The following PRKN variants were observed in gnomAD, a reference collection of about 807,000 sequenced individuals.
PRKN encodes parkin RBR E3 ubiquitin protein ligase, also known as E3 ubiquitin-protein ligase parkin.
PRKN carries 56 observed loss-of-function variants against 59.5 expected under a neutral mutation model. The ratio of observed to expected loss-of-function variants is 0.94; its 90% confidence interval spans 0.76 to 1.18. The LOEUF (loss-of-function observed/expected upper bound fraction) is 1.18, where lower values mean the gene tolerates loss of function less well. PRKN is among the 50% of genes most tolerant of loss of function. The pLI, the probability that PRKN is intolerant of heterozygous loss-of-function variation, is 0.00. For synonymous variants in PRKN, 250 were observed against 222.1 expected (o/e 1.13, Z -1.12); for missense variants, 657 against 596.4 (o/e 1.10, Z -1.06).
chr6:162,561,710 C>A (rs191411690), intron 1 of PRKN, among the ~76,000 whole-genome samples: 49 of 152,296 alleles, frequency 3.2e-4, no homozygotes, highest in African/African-American at 1.0e-3. Flanking sequence ...CCTGTTACAG[C>A]AGAAAGGAAA....
intron 10 of PRKN, among the ~76,000 whole-genome samples, chr6:161,374,339 A>G (rs1785564800): frequency 6.6e-6 from 1 of 150,512 alleles, no homozygotes; most frequent in Non-Finnish European, 1.5e-5. Flanking sequence ...CATGGTGTGC[A>G]TGTTATGTAT....
chr6:162,653,564 T>G (rs1778528551), intron 1 of PRKN, among the ~76,000 whole-genome samples: 1 of 152,186 alleles, frequency 6.6e-6, no homozygotes, highest in African/African-American at 2.4e-5. Context: ...TTTGGAATCT[T>G]AGGTGATAGA....
At position 161,549,148 on chromosome 6, in the gene PRKN, A is replaced by G; in HGVS notation, c.934-145T>C. ...TGTGTGTGTGTGTGTGTGTAGGGGG[A>G]GGGAGAGGGCCACGGGGTTGATAGG... On this transcript the variant is annotated intron_variant, in intron 8 of 11. Transcript: ENST00000366898. This position sits in a 1 kb window ranked among gnomAD's most constrained non-coding sequence, Gnocchi z 6.0. 3.6e-6 allele frequency: 3 copies of G among 837,582 alleles called. No homozygotes were observed. The highest frequency in any genetic ancestry group is 1.6e-5 in the South Asian group (1 of 64,428). 51.9% of individuals were successfully genotyped at this position (837,582 alleles called of 1,614,324 possible). A position where few individuals can be genotyped will look rare whatever the true frequency, so the allele number is the denominator to read the frequency against.
intron 3 of PRKN, among the ~76,000 whole-genome samples, chr6:162,233,365 C>T (rs995192567): frequency 2.0e-5 from 3 of 152,022 alleles, no homozygotes; most frequent in South Asian, 2.1e-4. Context: ...ATGCATATCT[C>T]GTAATTCAGA....
At position 162,094,213 on chromosome 6, in the gene PRKN, G is replaced by A. The variant is rs555681974; in HGVS notation, c.535-40039C>T. On this transcript the variant is annotated intron_variant, in intron 4 of 11. Transcript: ENST00000366898. ...GGAAGAAAAGTTGGAAAGGTGGCTGGGTGTGGTGGTTCATGCCTATAAGTC... is the reference window on the plus strand; with the variant it reads ...GGAAGAAAAGTTGGAAAGGTGGCTGAGTGTGGTGGTTCATGCCTATAAGTC... Among the ~76,000 whole-genome samples, 7 of 152,232 alleles carry A rather than the reference G, an allele frequency of 4.6e-5. No homozygotes were observed. The East Asian group carries it at 1.4e-3, about 29-fold the overall frequency.
intron 7 of PRKN, among the ~76,000 whole-genome samples, chr6:161,757,920 CAT>C (rs1234596236): frequency 2.0e-4 from 24 of 120,656 alleles, no homozygotes; most frequent in Admixed American, 1.3e-3. Flanking sequence ...CACACACACA[CAT>C]CTCTCTCTCT....
intron 6 of PRKN, among the ~76,000 whole-genome samples, chr6:161,911,120 G>A (rs1778345382): frequency 6.6e-6 from 1 of 152,096 alleles, no homozygotes; most frequent in South Asian, 2.1e-4. Context: ...CTTTTACTAA[G>A]GAGAATGGTA....
intron 1 of PRKN, among the ~76,000 whole-genome samples, chr6:162,696,627 C>A (rs1047492906): frequency 7.4e-6 from 1 of 135,722 alleles, no homozygotes; most frequent in African/African-American, 2.8e-5. Flanking sequence ...TGCAGTGGTG[C>A]AATCTTGGCT....
chr6:161,962,514 T>G (rs972849817), intron 6 of PRKN, among the ~76,000 whole-genome samples: 5 of 151,782 alleles, frequency 3.3e-5, no homozygotes, highest in African/African-American at 1.2e-4. Flanking sequence ...AGCAAGGGTC[T>G]CTTAGATGCT....
chr6:161,732,866 T>A (rs1023724177), intron 7 of PRKN, among the ~76,000 whole-genome samples: 9 of 152,186 alleles, frequency 5.9e-5, no homozygotes, highest in Admixed American at 1.3e-4. Context: ...CCCTCACTTG[T>A]TAGCAGTGAG....
chr6:162,706,957 A>G (rs1778359606), intron 1 of PRKN, among the ~76,000 whole-genome samples: 1 of 152,240 alleles, frequency 6.6e-6, no homozygotes, highest in Non-Finnish European at 1.5e-5. Flanking sequence ...AAAAAGTAAA[A>G]TAATCCAGAT....
At chr6:161,644,783 C>T (rs13202402) in intron 7 of PRKN, among the ~76,000 whole-genome samples, 34,238 of 152,212 alleles carry the variant, frequency 0.22, 4,261 homozygotes, top group Middle Eastern at 0.35. Context: ...CAGACAGCTT[C>T]GAGACGTCAT....
intron 1 of PRKN, among the ~76,000 whole-genome samples, chr6:162,653,869 GC>G (rs1209669030): frequency 2.0e-5 from 3 of 152,060 alleles, no homozygotes; most frequent in Non-Finnish European, 4.4e-5. Flanking sequence ...GTTGAGCATG[GC>G]CCCTTTTTTA....
chr6:161,814,073 T>A (rs1791667464), intron 6 of PRKN, among the ~76,000 whole-genome samples: 1 of 152,142 alleles, frequency 6.6e-6, no homozygotes, highest in African/African-American at 2.4e-5. Context: ...GAAGGTAGCA[T>A]CTTTGGTGAT....
chr6:161,867,260 A>G (rs556534287), intron 6 of PRKN, among the ~76,000 whole-genome samples: 1 of 152,336 alleles, frequency 6.6e-6, no homozygotes, highest in African/African-American at 2.4e-5. Context: ...GATAGTAAAT[A>G]ATTTAGCATG....
At chr6:162,060,317 G>A (rs1778047424) in intron 4 of PRKN, among the ~76,000 whole-genome samples, 1 of 152,166 alleles carries the variant, frequency 6.6e-6, no homozygotes, top group Admixed American at 6.5e-5. Context: ...TGAATCCTGG[G>A]ATTCATCAAA....
intron 1 of PRKN, among the ~76,000 whole-genome samples, chr6:162,485,744 C>T (rs974156559): frequency 1.3e-5 from 2 of 152,122 alleles, no homozygotes; most frequent in African/African-American, 4.8e-5. Flanking sequence ...TTGGAGCAAC[C>T]TGTTCAATCT....
intron 9 of PRKN, among the ~76,000 whole-genome samples, chr6:161,453,611 C>A (rs1429021288): frequency 6.6e-6 from 1 of 152,150 alleles, no homozygotes; most frequent in Non-Finnish European, 1.5e-5. Flanking sequence ...CCGTTCCCAA[C>A]CTTCTGGCCC....
At chr6:161,820,550 T>C (rs1428800048) in intron 6 of PRKN, among the ~76,000 whole-genome samples, 1 of 147,632 alleles carries the variant, frequency 6.8e-6, no homozygotes, top group Non-Finnish European at 1.5e-5. Context: ...TCATTTACTT[T>C]ATAAAAAATT....
Sources: gnomAD v4.1 joint callset for allele counts (sites outside exome capture counted in the v4.1 genomes callset) on GRCh38, gnomAD v4.1.1 for gene constraint, Gnocchi (gnomAD v3.1) non-coding constraint, MANE v1.5 for transcripts, NCBI Gene and HGNC (gene_info 2026-07-23, HGNC 2026-07-21) for gene names.